The following ENO4 variants were observed in gnomAD, a reference collection of about 807,000 sequenced individuals.
ENO4 encodes the protein 2-phospho-D-glycerate hydro-lyase.
Under a neutral mutation model 63.2 loss-of-function variants are expected in ENO4, and 53 were observed. The ratio of observed to expected loss-of-function variants is 0.84; its 90% confidence interval spans 0.67 to 1.05. The LOEUF (loss-of-function observed/expected upper bound fraction) is 1.05. Among genes scored for constraint, ENO4 ranks in the 50% least tolerant of loss-of-function variants. ENO4 has a pLI of 0.00. For synonymous variants in ENO4, 266 were observed against 283.8 expected, an observed-to-expected ratio of 0.94 and a Z score of 0.63; for missense variants, 719 against 772.0, an observed-to-expected ratio of 0.93 and a Z score of 0.81.
chr10:116,874,200 A>G lies in ENO4; in HGVS notation c.1340A>G (p.Glu447Gly). 2 of 1,533,324 alleles carry G rather than the reference A, an allele frequency of 1.3e-6. No individual in the cohort carries two copies. Among genetic ancestry groups the G allele is most frequent in the Non-Finnish European group, 8.8e-7 (1 of 1,133,648 alleles). 95.0% of individuals were successfully genotyped at this position (1,533,324 alleles called of 1,614,324 possible). A position where few individuals can be genotyped will look rare whatever the true frequency, so the allele number is the denominator to read the frequency against. The change falls in exon 10 of 14, where the codon GAG becomes GGG. Residue 447 changes from glutamate to glycine, a missense_variant and splice_region_variant. Physicochemically the swap from Glu to Gly is moderately conservative, Grantham distance 98 (BLOSUM62 -2). This residue lies in a region of ENO4 where 544 missense variants were observed against 583.6 expected (regional missense o/e 0.93). Coordinates refer to ENST00000341276, the MANE Select transcript of ENO4 (RefSeq NM_001242699.2). ...IIALIDPFRK[E>G]DSEQWDSIYH... is the part of the protein sequence containing the mutation. The stretch of plus-strand genomic sequence containing the variant: ...GCCTTAATTGATCCTTTCAGGAAGG[A>G]GGTAAGCACCCCACCTTCCATATTT...
At chr10:116,899,718 C>A (rs1847663944) in intron 10 of ENO4, among the ~76,000 whole-genome samples, 1 of 152,150 alleles carries the variant, frequency 6.6e-6, no homozygotes, top group Admixed American at 6.5e-5. Context: ...TACTAGAATG[C>A]AAAGACAGTT....
intron 10 of ENO4, among the ~76,000 whole-genome samples, chr10:116,892,054 C>A (rs1329295107): frequency 6.6e-6 from 1 of 152,134 alleles, no homozygotes; most frequent in Non-Finnish European, 1.5e-5. Context: ...TCAACATGAA[C>A]AAGAATTCCT....
At chr10:116,864,657 A>C (rs1846505536) in intron 7 of ENO4, among the ~76,000 whole-genome samples, 1 of 152,160 alleles carries the variant, frequency 6.6e-6, no homozygotes, top group Non-Finnish European at 1.5e-5. Flanking sequence ...CACCCTCAGC[A>C]CAGTCCCTTC....
At chr10:116,886,607 G>C (rs1268017790), downstream of ENO4, 6 of 1,609,568 alleles carry the variant, frequency 3.7e-6, no homozygotes, top group South Asian at 6.6e-5. Context: ...AAAAAGCAGA[G>C]AGAGAAAATA....
At chr10:116,872,533 T>C (rs9420218) in intron 9 of ENO4, among the ~76,000 whole-genome samples, 4,248 of 152,270 alleles carry the variant, frequency 0.028, 170 homozygotes, top group African/African-American at 0.094. Context: ...ATGTAAGACA[T>C]GATTTTGCTC....
chr10:116,901,753 A>G (rs531874926), intron 10 of ENO4: 1 of 1,578,246 alleles, frequency 6.3e-7, no homozygotes, highest in Admixed American at 2.0e-5. Flanking sequence ...AGTAAAGAGC[A>G]TCGTTACTTA....
At chr10:116,879,785 A>G (rs999075881) in intron 12 of ENO4, 84 bp from the exon 13 acceptor site, 8 of 1,038,870 alleles carry the variant, frequency 7.7e-6, no homozygotes, top group South Asian at 6.4e-5. Flanking sequence ...ACACTGTGAC[A>G]GTTTCCTTTG....
Position 116,874,142 on chromosome 10 carries a change from G to A in ENO4, c.1282G>A (p.Val428Met). Residue 428 changes from valine to methionine, a missense_variant, in exon 10 of 14, where the codon GTG (valine) becomes ATG (methionine). This residue lies in a region of ENO4 where 544 missense variants were observed against 583.6 expected (regional missense o/e 0.93). Transcript: ENST00000341276. ...KNAAEMVDLY[V>M]DLINKYPSII... is the part of the protein sequence containing the mutation. ...TGCAGCGGAGATGGTTGACCTGTATGTGGATCTGATCAACAAGTACCCTTC... is the reference window on the plus strand; with the variant it reads ...TGCAGCGGAGATGGTTGACCTGTATATGGATCTGATCAACAAGTACCCTTC... 5 of 1,549,856 alleles carry A rather than the reference G, an allele frequency of 3.2e-6. No individual in the cohort carries two copies. Among genetic ancestry groups the A allele is most frequent in the Admixed American group, 2.0e-5 (1 of 51,002 alleles).
Position 116,879,865 on chromosome 10 carries a change from T to C in ENO4, c.1606-4T>C. ...TCTAAAATTAGTTTTTTCCCCCCTT[T>C]CAGGCTGTTGGGCTTGGTGTCCGGT... On this transcript the variant is annotated splice_region_variant and splice_polypyrimidine_tract_variant and intron_variant, in intron 12 of 13. Transcript: ENST00000341276. 1.3e-6 allele frequency: 2 copies of C among 1,549,312 alleles called. No individual in the cohort carries two copies. Among genetic ancestry groups the C allele is most frequent in the Non-Finnish European group, 1.7e-6 (2 of 1,146,568 alleles).
chr10:116,907,088 G>C (rs1297265906), intron 10 of ENO4, among the ~76,000 whole-genome samples: 1 of 152,164 alleles, frequency 6.6e-6, no homozygotes, highest in Non-Finnish European at 1.5e-5. Context: ...GTGGAGAAGA[G>C]AATTGATATA....
chr10:116,883,744 C>T (rs2133290225), downstream of ENO4: 1 of 154,826 alleles, frequency 6.5e-6, no homozygotes, highest in African/African-American at 2.4e-5. Flanking sequence ...CCAAAGCATC[C>T]ATCCTCCGTA....
intron 9 of ENO4, among the ~76,000 whole-genome samples, chr10:116,873,178 T>C (rs1388542953): frequency 1.3e-5 from 2 of 152,222 alleles, no homozygotes; most frequent in Non-Finnish European, 2.9e-5. Context: ...AAGCTTTGCA[T>C]TATAGAAGTT....
chr10:116,868,902 C>T (rs1407940509), intron 8 of ENO4, among the ~76,000 whole-genome samples, 196 bp downstream of exon 8: 7 of 152,174 alleles, frequency 4.6e-5, no homozygotes, highest in Non-Finnish European at 7.3e-5. Flanking sequence ...GGCTGCCCGA[C>T]CATCGCTGGC....
At chr10:116,881,410 T>C in intron 13 of ENO4, 105 bp from the exon 14 acceptor site, 2 of 824,544 alleles carry the variant, frequency 2.4e-6, no homozygotes, top group Admixed American at 6.4e-5. Context: ...GATGGTGATG[T>C]GACACCTTTG....
chr10:116,906,496 T>A (rs1847976696), intron 10 of ENO4: 2 of 851,410 alleles, frequency 2.3e-6, no homozygotes, highest in Admixed American at 3.4e-5. Context: ...ACCCATCCCA[T>A]ACTTCTCACT....
chr10:116,855,592 G>T, intron 1 of ENO4, 31 bp from the exon 2 acceptor site: 1 of 1,535,778 alleles, frequency 6.5e-7, no homozygotes, highest in South Asian at 1.2e-5. Flanking sequence ...ACTTGAACCA[G>T]ATGATTTTTG....
intron 10 of ENO4, among the ~76,000 whole-genome samples, chr10:116,891,915 G>A (rs758590654): frequency 2.0e-5 from 3 of 152,068 alleles, no homozygotes; most frequent in African/African-American, 4.8e-5. Flanking sequence ...CTCAAAGAAC[G>A]TATTAAGTTT....
downstream of ENO4, chr10:116,884,106 A>G: frequency 4.8e-6 from 2 of 415,472 alleles, no homozygotes; most frequent in Non-Finnish European, 9.9e-6. Context: ...TTTTAGAGAA[A>G]TCAAAAACAT....
intron 7 of ENO4, among the ~76,000 whole-genome samples, chr10:116,866,015 G>A (rs1846539874): frequency 1.3e-5 from 2 of 151,976 alleles, no homozygotes; most frequent in Non-Finnish European, 2.9e-5. Context: ...AAGAACCTTG[G>A]GCCCAGCACT....
Sources: allele counts gnomAD v4.1 joint callset (sites outside exome capture counted in the v4.1 genomes callset), GRCh38; gene constraint gnomAD v4.1.1; regional missense constraint gnomAD v4.1.1; transcripts MANE v1.5; gene names NCBI Gene and HGNC (gene_info 2026-07-23, HGNC 2026-07-21).